The following DIAPH2 variants were observed in gnomAD, a reference collection of about 807,000 sequenced individuals.
DIAPH2 encodes protein diaphanous homolog 2.
Under a neutral mutation model 92.7 loss-of-function variants are expected in DIAPH2, and 35 were observed. That is an observed-to-expected ratio of 0.38 (90% CI 0.29 to 0.50). DIAPH2 has a LOEUF of 0.50. Ranked by LOEUF, DIAPH2 falls within the 20% of genes least tolerant of loss-of-function variation. The pLI is 0.94. For missense variants in DIAPH2, 701 were observed against 819.5 expected, an observed-to-expected ratio of 0.86 and a Z score of 1.77; for synonymous variants, 301 against 280.4, an observed-to-expected ratio of 1.07 and a Z score of -0.73.
intron 26 of DIAPH2, among the ~76,000 whole-genome samples, chrX:97,496,902 G>T (rs1458932772): frequency 1.8e-5 from 2 of 111,574 alleles, no homozygotes; most frequent in Non-Finnish European, 3.8e-5. Context: ...TTCCATAAAT[G>T]AAATTTTAAA....
intron 22 of DIAPH2, among the ~76,000 whole-genome samples, chrX:97,220,871 A>G (rs1307620311): frequency 8.9e-6 from 1 of 111,840 alleles, no homozygotes; most frequent in Non-Finnish European, 1.9e-5. Context: ...TAATCTATGG[A>G]AATGTAAAAA....
At chrX:97,547,968 A>G (rs1160311730) in intron 26 of DIAPH2, among the ~76,000 whole-genome samples, 1 of 111,822 alleles carries the variant, frequency 8.9e-6, no homozygotes, top group Non-Finnish European at 1.9e-5. Flanking sequence ...TTTGCACTCC[A>G]TAAATATCAA....
chrX:97,385,730 G>A (rs1422765502), intron 25 of DIAPH2, among the ~76,000 whole-genome samples: 1 of 111,979 alleles, frequency 8.9e-6, no homozygotes. Context: ...GCCACTGTCA[G>A]GAGAAAATGA....
chrX:96,686,002 T>C (rs2063768799), intron 1 of DIAPH2, among the ~76,000 whole-genome samples: 2 of 112,224 alleles, frequency 1.8e-5, no homozygotes, highest in South Asian at 3.7e-4. Context: ...TGGTATTGCA[T>C]TGGGAAATAC....
chrX:96,715,603 T>C (rs2063945021), intron 1 of DIAPH2, among the ~76,000 whole-genome samples: 1 of 111,749 alleles, frequency 8.9e-6, no homozygotes, highest in East Asian at 2.8e-4. Context: ...ATAGTCCTAG[T>C]GAAGAGGAAG....
intron 26 of DIAPH2, among the ~76,000 whole-genome samples, chrX:97,589,115 C>G: frequency 1.0e-5 from 1 of 95,419 alleles, no homozygotes; most frequent in Non-Finnish European, 2.1e-5. Flanking sequence ...GTCAAGAGTT[C>G]AAGACCAACC....
At chrX:97,370,696 C>T (rs1014053368) in intron 24 of DIAPH2, among the ~76,000 whole-genome samples, 2 of 111,594 alleles carry the variant, frequency 1.8e-5, no homozygotes, top group African/African-American at 3.2e-5. Context: ...TCTGAGGGTG[C>T]GCTTGATTTT....
chrX:97,555,937 C>G (rs1050149486), intron 26 of DIAPH2, among the ~76,000 whole-genome samples: 3 of 111,834 alleles, frequency 2.7e-5, no homozygotes, highest in Non-Finnish European at 5.6e-5. Context: ...ACCATTCTAC[C>G]ACAGACCGGG....
At chrX:96,961,454 T>C (rs1185744013) in intron 16 of DIAPH2, among the ~76,000 whole-genome samples, 3 of 81,706 alleles carry the variant, frequency 3.7e-5, no homozygotes, top group Non-Finnish European at 5.5e-5. Context: ...ATCAGTTTTA[T>C]CTTTTCAAAA....
intron 22 of DIAPH2, among the ~76,000 whole-genome samples, chrX:97,246,376 A>G (rs1197896788): frequency 8.9e-6 from 1 of 112,445 alleles, no homozygotes; most frequent in Non-Finnish European, 1.9e-5. Context: ...TGATTGGTGA[A>G]CCATTAGCAA....
At chrX:97,280,639 A>G (rs1440929528) in intron 23 of DIAPH2, among the ~76,000 whole-genome samples, 1 of 111,553 alleles carries the variant, frequency 9.0e-6, no homozygotes, top group Non-Finnish European at 1.9e-5. Flanking sequence ...GGTTGCCTAG[A>G]GAAGCTGGTG....
At chrX:97,329,439 G>A (rs1320631533) in intron 23 of DIAPH2, among the ~76,000 whole-genome samples, 1 of 112,352 alleles carries the variant, frequency 8.9e-6, no homozygotes, top group African/African-American at 3.2e-5. Context: ...TTATTTCAGA[G>A]TGATTCAAAT....
At chrX:97,553,095 C>T (rs1230855684) in intron 26 of DIAPH2, among the ~76,000 whole-genome samples, 5 of 112,117 alleles carry the variant, frequency 4.5e-5, no homozygotes, top group African/African-American at 1.3e-4. Context: ...GGGGAAGACA[C>T]AGTTCAGCCC....
chrX:96,989,932 G>C (rs1240516607), intron 17 of DIAPH2, among the ~76,000 whole-genome samples: 2 of 112,002 alleles, frequency 1.8e-5, no homozygotes, highest in African/African-American at 6.5e-5. Context: ...AAAACATGTA[G>C]AGAGTCATGC....
At chrX:96,841,588 G>A (rs780740970) in intron 4 of DIAPH2, among the ~76,000 whole-genome samples, 1 of 111,491 alleles carries the variant, frequency 9.0e-6, no homozygotes, top group South Asian at 3.8e-4. Flanking sequence ...ATCCAGCATG[G>A]CAAGATCCCC....
At chrX:96,855,443 T>C (rs1007210302) in intron 4 of DIAPH2, among the ~76,000 whole-genome samples, 102 of 110,797 alleles carry the variant, frequency 9.2e-4, no homozygotes, top group African/African-American at 3.1e-3. Flanking sequence ...TGCATATTCA[T>C]TTATTTATTC....
chrX:97,225,835 C>T (rs948696543), intron 22 of DIAPH2, among the ~76,000 whole-genome samples: 6 of 111,971 alleles, frequency 5.4e-5, no homozygotes, highest in Admixed American at 3.8e-4. Context: ...CAATAGTACA[C>T]AGACTATCTG....
At chrX:97,096,005 GA>G (rs201754446) in intron 19 of DIAPH2, among the ~76,000 whole-genome samples, 172 of 110,122 alleles carry the variant, frequency 1.6e-3, no homozygotes, top group African/African-American at 5.4e-3. Context: ...TGAAATATTT[GA>G]AAAAAAAATA....
At chrX:97,536,066 T>G (rs2071093604) in intron 26 of DIAPH2, among the ~76,000 whole-genome samples, 1 of 112,043 alleles carries the variant, frequency 8.9e-6, no homozygotes, top group Non-Finnish European at 1.9e-5. Flanking sequence ...AGGGAACACT[T>G]TTAATATCAA....
Sources: gnomAD v4.1 joint callset for allele counts (sites outside exome capture counted in the v4.1 genomes callset) on GRCh38, gnomAD v4.1.1 for gene constraint, MANE v1.5 for transcripts, NCBI Gene and HGNC (gene_info 2026-07-23, HGNC 2026-07-21) for gene names.